LDAH: variants seen among roughly 807,000 people sequenced by gnomAD.
The protein encoded by LDAH is lipid droplet associated hydrolase, also known as lipid droplet-associated hydrolase.
LDAH carries 26 observed loss-of-function variants against 29.6 expected under a neutral mutation model. The observed-to-expected ratio is 0.88, with a 90% CI of 0.64 to 1.22. LDAH has a LOEUF of 1.22. LDAH is among the 50% of genes most tolerant of loss of function. The pLI, the probability that LDAH is intolerant of heterozygous loss-of-function variation, is 0.00. For missense variants in LDAH, 344 were observed against 387.3 expected (o/e 0.89, Z 0.94); for synonymous variants, 117 against 133.0 (o/e 0.88, Z 0.83).
At chr2:20,705,817 T>C (rs991411679) in intron 5 of LDAH, among the ~76,000 whole-genome samples, 4 of 152,240 alleles carry the variant, frequency 2.6e-5, no homozygotes, top group African/African-American at 9.6e-5. Flanking sequence ...GATGACTTCA[T>C]TTAAATCTTT....
In LDAH at chr2:20,814,545, C is replaced by T. The variant is rs535943109; in HGVS notation, c.-3+8492G>A. The stretch of plus-strand genomic sequence containing the variant: ...GCACAATCTTCGCTCACTGCAGCCT[C>T]AACCTTCTGGGCTCAAGTGATCCTC... On this transcript the variant is annotated intron_variant, in intron 1 of 6. Coordinates refer to ENST00000237822, the MANE Select transcript of LDAH (RefSeq NM_021925.4). Among the ~76,000 whole-genome samples the T allele has an allele frequency of 3.9e-5, 6 of 152,270 alleles. No individual in the cohort carries two copies. In the South Asian group the frequency reaches 1.2e-3, roughly 32 times the overall value.
chr2:20,737,214 T>G (rs890072760), intron 5 of LDAH, among the ~76,000 whole-genome samples: 3 of 152,194 alleles, frequency 2.0e-5, no homozygotes, highest in Non-Finnish European at 4.4e-5. Context: ...AGTCCCTACA[T>G]AGCCTGCTTT....
At chr2:20,806,505 T>C (rs1672075164) in intron 1 of LDAH, among the ~76,000 whole-genome samples, 1 of 152,158 alleles carries the variant, frequency 6.6e-6, no homozygotes, top group Non-Finnish European at 1.5e-5. Context: ...TTTTAATTGG[T>C]AACAGAAGTT....
chr2:20,771,800 CTTTGGA>C (rs1669451887), intron 4 of LDAH, among the ~76,000 whole-genome samples: 1 of 1,956 alleles, frequency 5.1e-4, no homozygotes, highest in African/African-American at 1.4e-3. Flanking sequence ...AGCTTACACC[CTTTGGA>C]CAATTTATTG....
rs1211508253 is a variant in LDAH, at chr2:20,685,700, C to T, written c.*1203G>A. 1 of 1,537,102 alleles carries T rather than the reference C, an allele frequency of 6.5e-7. No individual in the cohort carries two copies. The highest frequency in any genetic ancestry group is 8.8e-7 in the Non-Finnish European group (1 of 1,141,832). Reference sequence around the variant, plus strand: ...ATTTCTGATCCATGATCAACTGTCACTGCAGTATGTGGTTCTCAAGATTGA... The same window carrying T: ...ATTTCTGATCCATGATCAACTGTCATTGCAGTATGTGGTTCTCAAGATTGA... On this transcript the variant is annotated 3_prime_UTR_variant, in exon 7 of 7. Coordinates refer to ENST00000237822, the MANE Select transcript of LDAH (RefSeq NM_021925.4).
At chr2:20,808,829 T>C (rs1269697982) in intron 1 of LDAH, among the ~76,000 whole-genome samples, 2 of 152,176 alleles carry the variant, frequency 1.3e-5, no homozygotes, top group African/African-American at 4.8e-5. Context: ...TATATCTTCA[T>C]GATTCATGAC....
intron 1 of LDAH, among the ~76,000 whole-genome samples, chr2:20,811,083 TCTCGGCTCACTGCAAGCTCCAC>T (rs1672455761): frequency 6.6e-6 from 1 of 151,532 alleles, no homozygotes; most frequent in African/African-American, 2.4e-5. Flanking sequence ...AGTGGCGCGA[TCTCGGCTCACTGCAAGCTCCAC>T]CTCCCGGGTT....
intron 1 of LDAH, among the ~76,000 whole-genome samples, chr2:20,815,322 C>T (rs1419963712): frequency 6.6e-6 from 1 of 151,660 alleles, no homozygotes; most frequent in Non-Finnish European, 1.5e-5. Context: ...AACATTCATC[C>T]AATCAGAGTT....
chr2:20,718,255 C>T (rs1665385819), intron 5 of LDAH, among the ~76,000 whole-genome samples: 1 of 152,086 alleles, frequency 6.6e-6, no homozygotes, highest in African/African-American at 2.4e-5. Flanking sequence ...CAAATATATG[C>T]TGCCTACAAG....
At chr2:20,704,352 G>A (rs375784131) in intron 5 of LDAH, among the ~76,000 whole-genome samples, 10 of 152,212 alleles carry the variant, frequency 6.6e-5, no homozygotes, top group African/African-American at 2.2e-4. Context: ...TCTAAGTCCC[G>A]GTTCCAAAAT....
intron 1 of LDAH, among the ~76,000 whole-genome samples, chr2:20,808,770 T>C (rs1037843122): frequency 6.6e-5 from 10 of 150,910 alleles, no homozygotes; most frequent in African/African-American, 2.2e-4. Flanking sequence ...GAAGACAACA[T>C]AGACAAAACA....
chr2:20,714,153 T>A (rs1233140806), intron 5 of LDAH, among the ~76,000 whole-genome samples: 1 of 152,028 alleles, frequency 6.6e-6, no homozygotes, highest in Non-Finnish European at 1.5e-5. Flanking sequence ...TCAGCAAATG[T>A]AAAAGAATGG....
intron 4 of LDAH, among the ~76,000 whole-genome samples, chr2:20,770,864 G>A (rs1669365997): frequency 6.6e-6 from 1 of 152,186 alleles, no homozygotes; most frequent in African/African-American, 2.4e-5. Context: ...CTGAATACTG[G>A]CAAGGGACCT....
At chr2:20,710,690 A>G (rs1327423898) in intron 5 of LDAH, among the ~76,000 whole-genome samples, 1 of 147,448 alleles carries the variant, frequency 6.8e-6, no homozygotes, top group East Asian at 1.9e-4. Flanking sequence ...ATACACATAT[A>G]TATTATACAT....
chr2:20,688,933 G>A (rs939272528), intron 6 of LDAH, among the ~76,000 whole-genome samples: 2 of 144,588 alleles, frequency 1.4e-5, no homozygotes, highest in African/African-American at 2.6e-5. Context: ...GTGGTTTGCT[G>A]TACCCATCAA....
chr2:20,745,761 G>T lies in LDAH; in HGVS notation c.469-5556C>A, dbSNP rs114000777. Among the ~76,000 whole-genome samples the T allele has an allele frequency of 6.4e-3, 970 of 152,282 alleles. 10 individuals carry two copies. The highest frequency in any genetic ancestry group is 0.022 in the African/African-American group (923 of 41,556). On this transcript the variant is annotated intron_variant, in intron 4 of 6. Coordinates refer to ENST00000237822, the MANE Select transcript of LDAH (RefSeq NM_021925.4). ...CTGTAATACATGATTTATAATAAATGATCATAACAATTTAAGCAATAAATA... is the reference window on the plus strand; with the variant it reads ...CTGTAATACATGATTTATAATAAATTATCATAACAATTTAAGCAATAAATA...
intron 1 of LDAH, among the ~76,000 whole-genome samples, chr2:20,808,537 G>T (rs778949315): frequency 1.3e-5 from 2 of 151,782 alleles, no homozygotes; most frequent in Non-Finnish European, 2.9e-5. Flanking sequence ...GGTGGCGGGC[G>T]TCTATAATCC....
At chr2:20,734,376 A>G (rs112493915) in intron 5 of LDAH, among the ~76,000 whole-genome samples, 4,288 of 152,182 alleles carry the variant, frequency 0.028, 202 homozygotes, top group African/African-American at 0.099. Flanking sequence ...CTGGTCTTCC[A>G]ATCAATGTGT....
intron 1 of LDAH, among the ~76,000 whole-genome samples, chr2:20,813,210 T>C (rs1018319314): frequency 2.6e-5 from 4 of 152,276 alleles, no homozygotes; most frequent in African/African-American, 9.6e-5. Context: ...CTCTCCTCCT[T>C]ACCATCCATA....
Sources: allele counts gnomAD v4.1 joint callset (sites outside exome capture counted in the v4.1 genomes callset), GRCh38; gene constraint gnomAD v4.1.1; transcripts MANE v1.5; gene names NCBI Gene and HGNC (gene_info 2026-07-23, HGNC 2026-07-21).